ZC3HAV1: variants seen among roughly 807,000 people sequenced by gnomAD.
ZC3HAV1 encodes the protein zinc finger CCCH-type antiviral protein 1.
A neutral mutation model predicts 86.6 loss-of-function variants in ZC3HAV1; 41 were observed. The observed-to-expected ratio is 0.47, with a 90% CI of 0.37 to 0.61. ZC3HAV1 has a LOEUF of 0.61. Among genes scored for constraint, ZC3HAV1 ranks in the 20% least tolerant of loss-of-function variants. The pLI, the probability that ZC3HAV1 is intolerant of heterozygous loss-of-function variation, is 0.00. For missense variants in ZC3HAV1, 964 were observed against 1,141.1 expected, an observed-to-expected ratio of 0.84 and a Z score of 2.24; for synonymous variants, 421 against 432.1, an observed-to-expected ratio of 0.97 and a Z score of 0.32.
intron 3 of ZC3HAV1, among the ~76,000 whole-genome samples, chr7:139,082,369 G>A (rs1250722129): frequency 1.3e-5 from 2 of 151,844 alleles, no homozygotes; most frequent in Admixed American, 1.3e-4. Flanking sequence ...GAGGATGTGA[G>A]AAATTTGAAC....
intron 1 of ZC3HAV1, among the ~76,000 whole-genome samples, chr7:139,093,740 C>T (rs920500336): frequency 1.3e-5 from 2 of 152,156 alleles, no homozygotes; most frequent in Non-Finnish European, 2.9e-5. Context: ...ACTCAGCCCG[C>T]CTGCATCCAG....
intron 12 of ZC3HAV1, among the ~76,000 whole-genome samples, chr7:139,051,035 G>C: frequency 6.6e-6 from 1 of 151,606 alleles, no homozygotes; most frequent in Admixed American, 6.6e-5. Flanking sequence ...CTCTAGCTGG[G>C]TTAGTTGTCC....
Position 139,044,514 on chromosome 7 carries a change from T to G in ZC3HAV1, c.*3080A>C, listed in dbSNP as rs1815903994. The G allele has an allele frequency of 6.6e-6, 1 of 152,168 alleles. No homozygotes were observed. Among genetic ancestry groups the G allele is most frequent in the East Asian group, 1.9e-4 (1 of 5,196 alleles). The allele number at this position is 152,168 out of a possible 1,614,324, so 9.4% of individuals were successfully genotyped here. ...TTGATTTTTTTAAGAAATTCATGTGTGTAAGTAGATTGTATTATCTATGAG... is the reference window on the plus strand; with the variant it reads ...TTGATTTTTTTAAGAAATTCATGTGGGTAAGTAGATTGTATTATCTATGAG... On this transcript the variant is annotated 3_prime_UTR_variant, in exon 13 of 13. Transcript: ENST00000242351.
At chr7:139,097,417 TATA>T (rs1817626649) in intron 1 of ZC3HAV1, among the ~76,000 whole-genome samples, 11 of 81,342 alleles carry the variant, frequency 1.4e-4, no homozygotes, top group Non-Finnish European at 2.3e-4. Context: ...TATATATATA[TATA>T]TATATATATT....
At chr7:139,051,344 G>A (rs1816116293) in intron 12 of ZC3HAV1, among the ~76,000 whole-genome samples, 1 of 151,624 alleles carries the variant, frequency 6.6e-6, no homozygotes. Context: ...AGGCGAAGCT[G>A]CCGCGCCTGA....
chr7:139,090,040 C>T (rs1451062224), intron 1 of ZC3HAV1, among the ~76,000 whole-genome samples: 2 of 152,188 alleles, frequency 1.3e-5, no homozygotes, highest in Non-Finnish European at 2.9e-5. Flanking sequence ...CTGCCTCAGC[C>T]TCCCGAGTAG....
chr7:139,102,065 C>T (rs2130737835), intron 1 of ZC3HAV1, among the ~76,000 whole-genome samples: 1 of 150,326 alleles, frequency 6.7e-6, no homozygotes, highest in Non-Finnish European at 1.5e-5. Flanking sequence ...TGTACATGTA[C>T]ACAAAGAAGC....
At chr7:139,079,375 T>C (rs1817055180) in intron 4 of ZC3HAV1, 95 bp downstream of exon 4, 2 of 1,604,750 alleles carry the variant, frequency 1.2e-6, no homozygotes, top group Admixed American at 3.4e-5. Flanking sequence ...CACCAGTTTT[T>C]TCTACATCAG....
chr7:139,074,042 A>T lies in ZC3HAV1; in HGVS notation c.1698-12T>A. 6.2e-7 allele frequency: 1 copy of T among 1,607,164 alleles called. No homozygotes were observed. The highest frequency in any genetic ancestry group is 8.5e-7 in the Non-Finnish European group (1 of 1,175,624). ...TTCCTACAGAACAGCTGAGAGAGAA[A>T]AGTATTAAGTTAACATAATGCTTCA... On this transcript the variant is annotated splice_polypyrimidine_tract_variant and intron_variant, in intron 6 of 12. Transcript: ENST00000242351.
intron 8 of ZC3HAV1, among the ~76,000 whole-genome samples, chr7:139,063,092 T>C (rs1816497332): frequency 6.6e-6 from 1 of 150,468 alleles, no homozygotes; most frequent in African/African-American, 2.4e-5. Flanking sequence ...AAAAGCCATC[T>C]GGAACACTAG....
At position 139,079,913 on chromosome 7, in the gene ZC3HAV1, T is replaced by A. The variant is rs200536591; in HGVS notation, c.1028A>T (p.Asn343Ile). ...GGAAGCAAGGTAAGTGCTGCCTGGATTTCCATGCAAGAGGTCCTCTTGACT... is the reference window on the plus strand; with the variant it reads ...GGAAGCAAGGTAAGTGCTGCCTGGAATTCCATGCAAGAGGTCCTCTTGACT... ...NGSQEDLLHG[N>I]PGSTYLASNS... The change falls in exon 4 of 13, where the codon AAT (asparagine) becomes ATT (isoleucine). Residue 343 changes from asparagine (N) to isoleucine (I), a missense_variant. Asn to Ile is a moderately radical substitution (Grantham distance 149, BLOSUM62 -3). Transcript: ENST00000242351. The A allele has an allele frequency of 6.2e-6, 10 of 1,614,188 alleles. No individual in the cohort carries two copies. Among genetic ancestry groups the A allele is most frequent in the Middle Eastern group, 3.3e-4 (2 of 6,062 alleles).
rs1227781600 is a variant in ZC3HAV1, at chr7:139,108,664, C to T, written c.308+360G>A. Reference sequence around the variant, plus strand: ...ACCAAAGACGGGAGGCTCTTTCCTTCCTTCCCAAACCTGCCTACCGCTTCT... The same window carrying T: ...ACCAAAGACGGGAGGCTCTTTCCTTTCTTCCCAAACCTGCCTACCGCTTCT... On this transcript the variant is annotated intron_variant, in intron 1 of 12. Transcript: ENST00000242351. This position sits in a 1 kb window ranked among gnomAD's most constrained non-coding sequence, Gnocchi z 4.2. Among the ~76,000 whole-genome samples the T allele has an allele frequency of 6.6e-6, 1 of 152,206 alleles. No individual in the cohort carries two copies. Among genetic ancestry groups the T allele is most frequent in the African/African-American group, 2.4e-5 (1 of 41,442 alleles).
At chr7:139,069,412 G>C (rs974451754) in intron 7 of ZC3HAV1, among the ~76,000 whole-genome samples, 2 of 152,140 alleles carry the variant, frequency 1.3e-5, no homozygotes, top group Admixed American at 6.5e-5. Context: ...TGTTCTGAGA[G>C]GGTCTCTCAG....
intron 12 of ZC3HAV1, 35 bp downstream of exon 12, chr7:139,053,416 C>T: frequency 6.5e-7 from 1 of 1,535,382 alleles, no homozygotes; most frequent in Non-Finnish European, 8.7e-7. Context: ...CGAGTTATGA[C>T]TCTACTAGTT....
At chr7:139,098,857 A>G (rs1343821276) in intron 1 of ZC3HAV1, among the ~76,000 whole-genome samples, 2 of 152,074 alleles carry the variant, frequency 1.3e-5, no homozygotes, top group Non-Finnish European at 1.5e-5. Context: ...TTTCACCTCT[A>G]TGTTACTATG....
chr7:139,086,467 T>G (rs987586626), intron 2 of ZC3HAV1, among the ~76,000 whole-genome samples: 1 of 140,550 alleles, frequency 7.1e-6, no homozygotes, highest in African/African-American at 2.6e-5. Context: ...GATGCTGACC[T>G]CTTGTTTGCA....
chr7:139,105,779 T>A (rs1234578845), intron 1 of ZC3HAV1, among the ~76,000 whole-genome samples: 2 of 152,224 alleles, frequency 1.3e-5, no homozygotes, highest in African/African-American at 4.8e-5. Flanking sequence ...CCCCATTAAC[T>A]GGTAATCTAC....
chr7:139,062,174 G>A (rs768937875), intron 8 of ZC3HAV1, among the ~76,000 whole-genome samples: 24 of 151,870 alleles, frequency 1.6e-4, no homozygotes, highest in Non-Finnish European at 2.8e-4. Flanking sequence ...GTGGTTACAC[G>A]CATTTGTCAA....
At chr7:139,090,599 T>C (rs1220544263) in intron 1 of ZC3HAV1, among the ~76,000 whole-genome samples, 2 of 152,350 alleles carry the variant, frequency 1.3e-5, no homozygotes, top group South Asian at 2.1e-4. Context: ...ATTTTTCTTT[T>C]AATAGTTCTC....
Sources: gnomAD v4.1 joint callset for allele counts (sites outside exome capture counted in the v4.1 genomes callset) on GRCh38, gnomAD v4.1.1 for gene constraint, Gnocchi (gnomAD v3.1) non-coding constraint, MANE v1.5 for transcripts, NCBI Gene and HGNC (gene_info 2026-07-23, HGNC 2026-07-21) for gene names.